LRRC7: variants seen among roughly 807,000 people sequenced by gnomAD.
The protein encoded by LRRC7 is leucine rich repeat containing 7, also known as leucine-rich repeat-containing protein 7.
In LRRC7, 23 loss-of-function variants were observed where a neutral mutation model predicts 175.7. The observed-to-expected ratio is 0.13, with a 90% CI of 0.09 to 0.19. The LOEUF (loss-of-function observed/expected upper bound fraction) is 0.19. Ranked by LOEUF, LRRC7 falls within the 10% of genes least tolerant of loss-of-function variation. The probability of loss-of-function intolerance (pLI) is 1.00; values close to 1 mark genes in which losing one functional copy is unlikely to be tolerated. For missense variants in LRRC7, 1,354 were observed against 1,904.7 expected, an observed-to-expected ratio of 0.71 and a Z score of 5.38; for synonymous variants, 685 against 680.9, an observed-to-expected ratio of 1.01 and a Z score of -0.09.
chr1:69,998,859 C>A (rs867781554), intron 11 of LRRC7, among the ~76,000 whole-genome samples: 1 of 152,190 alleles, frequency 6.6e-6, no homozygotes, highest in Non-Finnish European at 1.5e-5. Context: ...CAGGTGAGGA[C>A]CTCCCAGCTT....
At chr1:69,844,794 C>T (rs1390268877) in intron 7 of LRRC7, among the ~76,000 whole-genome samples, 2 of 152,060 alleles carry the variant, frequency 1.3e-5, no homozygotes, top group Admixed American at 6.6e-5. Context: ...TCCATAGGAG[C>T]TGTACCATTT....
intron 7 of LRRC7, among the ~76,000 whole-genome samples, chr1:69,908,245 T>G (rs555287826): frequency 1.3e-5 from 2 of 152,354 alleles, no homozygotes; most frequent in East Asian, 3.9e-4. Flanking sequence ...GAAGGGTTTT[T>G]TTGTGTCTCT....
At chr1:69,944,334 A>G (rs1557916522) in intron 8 of LRRC7, among the ~76,000 whole-genome samples, 3 of 152,136 alleles carry the variant, frequency 2.0e-5, no homozygotes, top group African/African-American at 4.8e-5. Context: ...ATCATATTTC[A>G]TTACATATAT....
At chr1:69,938,133 A>AT (rs1284893130) in intron 8 of LRRC7, among the ~76,000 whole-genome samples, 2 of 152,060 alleles carry the variant, frequency 1.3e-5, no homozygotes, top group African/African-American at 4.8e-5. Context: ...ACAATATTTA[A>AT]TTTTTTAAAC....
Position 69,687,552 on chromosome 1 carries a change from G to GAAAAGAAAAAA in LRRC7, c.100+9075_100+9085dup, listed in dbSNP as rs1416227318. Among the ~76,000 whole-genome samples, 1,207 of 129,828 alleles carry GAAAAGAAAAAA rather than the reference G, an allele frequency of 9.3e-3. 4 individuals are homozygous for GAAAAGAAAAAA. Among genetic ancestry groups the GAAAAGAAAAAA allele is most frequent in the South Asian group, 0.011 (44 of 3,978 alleles). 85.2% of individuals were successfully genotyped at this position (129,828 alleles called of 152,430 possible). A position where few individuals can be genotyped will look rare whatever the true frequency, so the allele number is the denominator to read the frequency against. On this transcript the variant is annotated intron_variant, in intron 2 of 26. Transcript: ENST00000651989. ...AAAAAAAAAAAAGAAAAAAGAAAAAGAAAAGAAAAAAGAGAAATTATTATT... is the reference window on the plus strand; with the variant it reads ...AAAAAAAAAAAAGAAAAAAGAAAAAGAAAAGAAAAAAAAAAGAAAAAAGAGAAATTATTATT...
chr1:69,784,737 T>C (rs142479234), intron 3 of LRRC7, among the ~76,000 whole-genome samples: 21 of 152,346 alleles, frequency 1.4e-4, no homozygotes, highest in Non-Finnish European at 2.2e-4. Context: ...ATTCTGGCTA[T>C]ATCGTGGCAT....
chr1:69,965,320 A>G (rs771725996), intron 8 of LRRC7, among the ~76,000 whole-genome samples: 6 of 152,112 alleles, frequency 3.9e-5, no homozygotes, highest in Non-Finnish European at 8.8e-5. Context: ...TAATTTTGTC[A>G]TTTCGTGTAT....
intron 7 of LRRC7, among the ~76,000 whole-genome samples, chr1:69,866,682 A>G (rs1684979188): frequency 6.6e-6 from 1 of 152,060 alleles, no homozygotes; most frequent in African/African-American, 2.4e-5. Flanking sequence ...TAGTGGTGTC[A>G]TTCAAAGCAA....
At chr1:69,752,933 G>T (rs114244170) in intron 2 of LRRC7, among the ~76,000 whole-genome samples, 4,734 of 152,094 alleles carry the variant, frequency 0.031, 110 homozygotes, top group Non-Finnish European at 0.044. Flanking sequence ...GTGAATCTAA[G>T]AATTCCTCTT....
At position 70,071,964 on chromosome 1, in the gene LRRC7, G is replaced by T. The variant is rs1662423147; in HGVS notation, c.4231-4113G>T. Among the ~76,000 whole-genome samples the T allele has an allele frequency of 3.3e-5, 5 of 152,120 alleles. No homozygotes were observed. In the South Asian group the frequency reaches 1.0e-3, roughly 31 times the overall value. On this transcript the variant is annotated intron_variant, in intron 23 of 26. Coordinates refer to ENST00000651989, the MANE Select transcript of LRRC7 (RefSeq NM_001370785.2). ...AACTGTCACATAATAAGCCTGATTTGCTGTGGGATGAATTTTGCGTGAACA... is the reference window on the plus strand; with the variant it reads ...AACTGTCACATAATAAGCCTGATTTTCTGTGGGATGAATTTTGCGTGAACA...
chr1:70,136,332 G>A lies in LRRC7; in HGVS notation c.*14445G>A, dbSNP rs1039375793. On this transcript the variant is annotated 3_prime_UTR_variant, in exon 27 of 27. Coordinates refer to ENST00000651989, the MANE Select transcript of LRRC7 (RefSeq NM_001370785.2). ...TCATCCAGACCTGTAGGTTTGAATC[G>A]AGAGATGTTTAAGTAATTCTCTTGT... 6.6e-6 allele frequency among the ~76,000 whole-genome samples: 1 copy of A among 151,960 alleles called. No individual in the cohort carries two copies. Among genetic ancestry groups the A allele is most frequent in the African/African-American group, 2.4e-5 (1 of 41,334 alleles).
intron 22 of LRRC7, among the ~76,000 whole-genome samples, chr1:70,046,797 T>C (rs1327615377): frequency 6.6e-6 from 1 of 152,066 alleles, no homozygotes; most frequent in East Asian, 1.9e-4. Flanking sequence ...GATACGTCTC[T>C]TGTACAGAGC....
rs751560272 is a variant in LRRC7 at position 70,135,270 on chromosome 1, G to A, written c.*13383G>A. 1.1e-4 allele frequency among the ~76,000 whole-genome samples: 16 copies of A among 152,242 alleles called. No homozygotes were observed. The East Asian group carries it at 3.1e-3, about 29-fold the overall frequency. On this transcript the variant is annotated 3_prime_UTR_variant, in exon 27 of 27. Transcript: ENST00000651989. ...ATCCAGCCACTAGCATAGTTCCCCA[G>A]GAGCAGGCTATGATCATCTCCTCAA...
intron 3 of LRRC7, among the ~76,000 whole-genome samples, chr1:69,777,947 C>T (rs75115510): frequency 0.04 from 6,103 of 152,284 alleles, 163 homozygotes; most frequent in Middle Eastern, 0.068. Context: ...TCTTCTCTAA[C>T]TTCAGGGGAA....
chr1:69,649,417 A>G (rs1049394658), intron 1 of LRRC7, among the ~76,000 whole-genome samples: 7 of 152,200 alleles, frequency 4.6e-5, no homozygotes, highest in African/African-American at 1.7e-4. Context: ...AAGCAGACCT[A>G]CAGTACTACG....
chr1:69,620,010 C>A (rs1443762406), intron 1 of LRRC7, among the ~76,000 whole-genome samples: 2 of 152,126 alleles, frequency 1.3e-5, no homozygotes, highest in Admixed American at 6.6e-5. Flanking sequence ...AAACAATGAA[C>A]TTTTGTGTCA....
rs1666999228 is a variant in LRRC7, at chr1:70,139,862, C to T, written c.*17975C>T. The T allele has an allele frequency of 6.6e-6, 1 of 152,084 alleles. No homozygotes were observed. The highest frequency in any genetic ancestry group is 1.5e-5 in the Non-Finnish European group (1 of 67,992). 9.4% of individuals were successfully genotyped at this position (152,084 alleles called of 1,614,324 possible). A position where few individuals can be genotyped will look rare whatever the true frequency, so the allele number is the denominator to read the frequency against. ...CCTTGTTAAAGGTTTTCCTGGACTC[C>T]TACAGTCTGGTTTGATCAGTTTATT... On this transcript the variant is annotated 3_prime_UTR_variant, in exon 27 of 27. Transcript: ENST00000651989.
chr1:69,596,619 C>A (rs975161802), intron 1 of LRRC7, among the ~76,000 whole-genome samples: 1 of 152,182 alleles, frequency 6.6e-6, no homozygotes, highest in Non-Finnish European at 1.5e-5. Flanking sequence ...TATTTTCTTT[C>A]AAGTGAACTG....
intron 2 of LRRC7, among the ~76,000 whole-genome samples, chr1:69,737,225 G>A (rs1413936023): frequency 6.6e-6 from 1 of 152,086 alleles, no homozygotes; most frequent in East Asian, 1.9e-4. Context: ...CACGTGTTGT[G>A]AGAGGAACCT....
Sources: allele counts gnomAD v4.1 joint callset (sites outside exome capture counted in the v4.1 genomes callset), GRCh38; gene constraint gnomAD v4.1.1; transcripts MANE v1.5; gene names NCBI Gene and HGNC (gene_info 2026-07-23, HGNC 2026-07-21).